The following DENND4C variants were observed in gnomAD, a reference collection of about 807,000 sequenced individuals.
The protein encoded by DENND4C is DENN domain containing 4C, also known as DENN domain-containing protein 4C.
Under a neutral mutation model 203.0 loss-of-function variants are expected in DENND4C, and 108 were observed. The observed-to-expected ratio is 0.53, with a 90% confidence interval of 0.46 to 0.62. The LOEUF is 0.62. Among genes scored for constraint, DENND4C ranks in the 20% least tolerant of loss-of-function variants. DENND4C has a pLI of 0.00. For synonymous variants in DENND4C, 871 were observed against 792.4 expected (o/e 1.10, Z -1.67); for missense variants, 2,481 against 2,301.2 (o/e 1.08, Z -1.60).
chr9:19,300,159 G>T, intron 8 of DENND4C, 28 bp from the exon 9 acceptor site: 1 of 1,573,378 alleles, frequency 6.4e-7, no homozygotes, highest in Non-Finnish European at 8.7e-7. Flanking sequence ...AGTTCACAAT[G>T]ATCTACTTTT....
intron 9 of DENND4C, among the ~76,000 whole-genome samples, chr9:19,304,888 C>T (rs1189161854): frequency 6.6e-6 from 1 of 151,310 alleles, no homozygotes; most frequent in African/African-American, 2.4e-5. Flanking sequence ...TATCTGTTAG[C>T]ATTCCCTGGA....
intron 1 of DENND4C, among the ~76,000 whole-genome samples, chr9:19,274,861 A>G (rs1338426716): frequency 6.6e-6 from 1 of 152,166 alleles, no homozygotes; most frequent in East Asian, 1.9e-4. Context: ...TTAAATGTGG[A>G]GTTTAGCTCT....
chr9:19,281,190 C>G (rs1226456095), intron 2 of DENND4C, among the ~76,000 whole-genome samples: 3 of 152,124 alleles, frequency 2.0e-5, no homozygotes, highest in African/African-American at 7.2e-5. Context: ...TATGTAGGTG[C>G]TTTCAGATTG....
At position 19,352,587 on chromosome 9, in the gene DENND4C, A is replaced by G. The variant is rs768280276; in HGVS notation, c.4703A>G (p.Asn1568Ser). 1 of 1,613,990 alleles carries G rather than the reference A, an allele frequency of 6.2e-7. No individual in the cohort carries two copies. Among genetic ancestry groups the G allele is most frequent in the Non-Finnish European group, 8.5e-7 (1 of 1,179,906 alleles). The change falls in exon 26 of 33, where the codon AAT becomes AGT. Residue 1568 changes from asparagine to serine, a missense_variant. Asn to Ser is a conservative substitution (Grantham distance 46). Transcript: ENST00000434457. ...AGWTADDSNLNTACPFCKSNF... is the reference protein window; with the variant it reads ...AGWTADDSNLSTACPFCKSNF... ...TGGACAGCAGATGACTCAAATTTGA[A>G]TACAGCTTGTCCATTCTGTAAAAGC...
At chr9:19,287,367 A>G (rs1232928156) in intron 3 of DENND4C, among the ~76,000 whole-genome samples, 1 of 152,034 alleles carries the variant, frequency 6.6e-6, no homozygotes, top group African/African-American at 2.4e-5. Flanking sequence ...TCATTCATTC[A>G]TTCATTTGTT....
intron 20 of DENND4C, among the ~76,000 whole-genome samples, chr9:19,337,880 T>G (rs1006486114): frequency 6.6e-5 from 10 of 152,232 alleles, no homozygotes; most frequent in Admixed American, 6.5e-4. Context: ...TTATCTTATT[T>G]GAAAATATAT....
At chr9:19,349,306 G>A (rs150746640) in intron 23 of DENND4C, among the ~76,000 whole-genome samples, 2,623 of 152,246 alleles carry the variant, frequency 0.017, 44 homozygotes, top group Middle Eastern at 0.034. Flanking sequence ...TACTCCAGAA[G>A]GTGAGGTGGG....
intron 12 of DENND4C, among the ~76,000 whole-genome samples, chr9:19,319,733 G>A (rs1588911904): frequency 6.6e-6 from 1 of 151,838 alleles, no homozygotes; most frequent in Admixed American, 6.6e-5. Context: ...GTCTACTAGG[G>A]GACACAGACA....
intron 5 of DENND4C, among the ~76,000 whole-genome samples, chr9:19,294,299 A>T (rs1020448831): frequency 2.0e-5 from 3 of 152,052 alleles, no homozygotes; most frequent in African/African-American, 7.2e-5. Context: ...GGAAAGAGAG[A>T]AGTAGCCAGA....
intron 9 of DENND4C, among the ~76,000 whole-genome samples, chr9:19,301,652 C>T (rs1838602759): frequency 6.6e-6 from 1 of 152,106 alleles, no homozygotes; most frequent in South Asian, 2.1e-4. Context: ...AAGTTCCCAC[C>T]CAGGCCAGGC....
intron 15 of DENND4C, among the ~76,000 whole-genome samples, chr9:19,326,994 A>T (rs1440486668): frequency 1.4e-5 from 2 of 147,862 alleles, no homozygotes. Flanking sequence ...TTCTAAAAGA[A>T]TTTCTAAAAT....
chr9:19,255,643 A>G (rs747406819), intron 1 of DENND4C, among the ~76,000 whole-genome samples: 2 of 152,138 alleles, frequency 1.3e-5, no homozygotes, highest in Non-Finnish European at 2.9e-5. Context: ...TGCTTTTTTT[A>G]TAATGATAAA....
chr9:19,312,758 C>T (rs1050651577), intron 10 of DENND4C, among the ~76,000 whole-genome samples: 8 of 152,144 alleles, frequency 5.3e-5, no homozygotes, highest in African/African-American at 1.9e-4. Flanking sequence ...CACTCAAGTT[C>T]AAAATGGTTC....
chr9:19,330,496 C>G (rs981411713), intron 16 of DENND4C, among the ~76,000 whole-genome samples: 1 of 151,790 alleles, frequency 6.6e-6, no homozygotes, highest in Admixed American at 6.6e-5. Flanking sequence ...CCCACCAACA[C>G]GCCCAACTAA....
intron 1 of DENND4C, among the ~76,000 whole-genome samples, chr9:19,258,808 C>G (rs1260363523): frequency 1.3e-5 from 2 of 152,018 alleles, no homozygotes; most frequent in Non-Finnish European, 2.9e-5. Flanking sequence ...GTGCACGCCA[C>G]CAGGCCCAGC....
chr9:19,325,055 C>G (rs926898077), intron 13 of DENND4C, among the ~76,000 whole-genome samples: 11 of 152,020 alleles, frequency 7.2e-5, no homozygotes, highest in African/African-American at 2.2e-4. Context: ...CGTTTTACAA[C>G]TATTGAGTTG....
intron 12 of DENND4C, among the ~76,000 whole-genome samples, chr9:19,317,221 G>A (rs577794089): frequency 1.4e-5 from 2 of 138,346 alleles, no homozygotes; most frequent in African/African-American, 5.4e-5. Context: ...GAGTCTTGCT[G>A]TGTTGGCCAG....
chr9:19,334,223 TA>T (rs1819913227), intron 17 of DENND4C, among the ~76,000 whole-genome samples: 1 of 152,108 alleles, frequency 6.6e-6, no homozygotes, highest in Admixed American at 6.5e-5. Flanking sequence ...TTTTTGTATA[TA>T]TTTTTTTGTA....
intron 1 of DENND4C, among the ~76,000 whole-genome samples, chr9:19,237,123 C>T (rs548535182): frequency 2.0e-4 from 31 of 152,210 alleles, no homozygotes; most frequent in South Asian, 4.1e-4. Context: ...TCGGTTCAAG[C>T]GATTCTCCTG....
Sources: allele counts gnomAD v4.1 joint callset (sites outside exome capture counted in the v4.1 genomes callset), GRCh38; gene constraint gnomAD v4.1.1; transcripts MANE v1.5; gene names NCBI Gene and HGNC (gene_info 2026-07-23, HGNC 2026-07-21).